Variants in USP53 observed in about 807,000 individuals in gnomAD.
USP53 encodes ubiquitin specific peptidase 53.
A neutral mutation model predicts 94.9 loss-of-function variants in USP53; 71 were observed. That is an observed-to-expected ratio of 0.75 (90% CI 0.62 to 0.91). The LOEUF (loss-of-function observed/expected upper bound fraction) is 0.91, where lower values mean the gene tolerates loss of function less well. Ranked by LOEUF, USP53 falls within the 40% of genes least tolerant of loss-of-function variation. The probability of loss-of-function intolerance (pLI) is 0.00; values close to 1 mark genes in which losing one functional copy is unlikely to be tolerated. For synonymous variants in USP53, 375 were observed against 422.7 expected, an observed-to-expected ratio of 0.89 and a Z score of 1.39; for missense variants, 1,173 against 1,281.0, an observed-to-expected ratio of 0.92 and a Z score of 1.29.
intron 17 of USP53, among the ~76,000 whole-genome samples, chr4:119,279,852 T>C (rs904516972): frequency 2.0e-5 from 3 of 151,980 alleles, no homozygotes; most frequent in African/African-American, 7.3e-5. Flanking sequence ...CGGGTGGGAG[T>C]GACCCGATTT....
At chr4:119,239,048 T>A (rs1212115376) in intron 4 of USP53, among the ~76,000 whole-genome samples, 170 bp from the exon 5 acceptor site, 5 of 152,280 alleles carry the variant, frequency 3.3e-5, no homozygotes, top group Admixed American at 6.5e-5. Context: ...ATTGATATTT[T>A]AAAAATGTAA....
chr4:119,219,927 T>C (rs998029431), intron 3 of USP53: 2 of 152,196 alleles, frequency 1.3e-5, no homozygotes, highest in Admixed American at 6.5e-5. Context: ...TTTCTGTCTC[T>C]CTCTCTTTCT....
chr4:119,218,139 A>G (rs1231739760), intron 3 of USP53: 1 of 152,222 alleles, frequency 6.6e-6, no homozygotes, highest in East Asian at 1.9e-4. Context: ...ATCCTGAAAT[A>G]TGACAGAAAA....
At chr4:119,229,446 C>T (rs1398113186) in intron 3 of USP53, among the ~76,000 whole-genome samples, 1 of 151,350 alleles carries the variant, frequency 6.6e-6, no homozygotes, top group Admixed American at 6.6e-5. Context: ...GGGTCTCTCC[C>T]CTTGAATGTT....
chr4:119,268,587 C>G (rs1578522684), intron 14 of USP53, among the ~76,000 whole-genome samples, 167 bp downstream of exon 14: 1 of 152,192 alleles, frequency 6.6e-6, no homozygotes, highest in African/African-American at 2.4e-5. Flanking sequence ...TGTAGTTTTA[C>G]CTGACCAGTT....
intron 13 of USP53, 136 bp downstream of exon 13, chr4:119,267,618 A>G: frequency 1.9e-6 from 2 of 1,039,968 alleles, no homozygotes; most frequent in Admixed American, 6.7e-5. Context: ...AAATTTTAGT[A>G]ATTTTTGTTA....
At chr4:119,266,591 A>T (rs1383724182) in intron 12 of USP53, among the ~76,000 whole-genome samples, 5 of 152,064 alleles carry the variant, frequency 3.3e-5, no homozygotes, top group African/African-American at 1.2e-4. Flanking sequence ...CCATTCTTAC[A>T]TCTTTCTTTT....
At chr4:119,237,797 G>A (rs1746988357) in intron 4 of USP53, among the ~76,000 whole-genome samples, 1 of 152,136 alleles carries the variant, frequency 6.6e-6, no homozygotes, top group African/African-American at 2.4e-5. Flanking sequence ...CTAGATTTCT[G>A]GATAATTTGC....
At chr4:119,256,860 G>C (rs1232097422) in intron 9 of USP53, among the ~76,000 whole-genome samples, 1 of 152,148 alleles carries the variant, frequency 6.6e-6, no homozygotes, top group African/African-American at 2.4e-5. Flanking sequence ...GAGATGTTCT[G>C]TTTGTAATGG....
At chr4:119,289,803 AG>A (rs527797095) in intron 17 of USP53, among the ~76,000 whole-genome samples, 17 of 152,342 alleles carry the variant, frequency 1.1e-4, no homozygotes, top group Admixed American at 7.2e-4. Flanking sequence ...TTCTCCCATA[AG>A]GGGGAATCAA....
intron 17 of USP53, among the ~76,000 whole-genome samples, chr4:119,287,697 T>G (rs1427219167): frequency 3.9e-5 from 6 of 152,062 alleles, no homozygotes; most frequent in Non-Finnish European, 7.4e-5. Flanking sequence ...GTGTAGACGA[T>G]TAATTGACAG....
At position 119,267,415 on chromosome 4, in the gene USP53, T is replaced by A. The variant is rs776015004; in HGVS notation, c.1068T>A (p.Val356=). 1.2e-6 allele frequency: 2 copies of A among 1,614,184 alleles called. No homozygotes were observed. Among genetic ancestry groups the A allele is most frequent in the Admixed American group, 1.7e-5 (1 of 60,030 alleles). Residue 356 remains valine, a synonymous_variant, in exon 13 of 19, where the codon GTT becomes GTA. Transcript: ENST00000692078. ...ATGCAAACCCAGATGGCACAGCAGT[T>A]TCTACTGAGGATGCACTCAGGCAGG... ...LFYANPDGTA[V]STEDALRQVI...
intron 12 of USP53, 24 bp from the exon 13 acceptor site, chr4:119,267,296 T>C (rs746228283): frequency 1.2e-6 from 2 of 1,607,838 alleles, no homozygotes; most frequent in Non-Finnish European, 1.7e-6. Context: ...TGTTTTGTCT[T>C]TATTCATTGT....
At chr4:119,216,610 GT>G (rs1261142282) in intron 2 of USP53, among the ~76,000 whole-genome samples, 2 of 152,122 alleles carry the variant, frequency 1.3e-5, no homozygotes. Context: ...CACTTATAAT[GT>G]GAAGTATTCC....
intron 2 of USP53, among the ~76,000 whole-genome samples, chr4:119,216,783 G>C (rs910362137): frequency 2.6e-5 from 4 of 152,134 alleles, no homozygotes; most frequent in Admixed American, 1.3e-4. Context: ...TCATTAATCT[G>C]AATTAAAGCA....
Position 119,215,623 on chromosome 4 carries a change from T to C in USP53, c.-789+1401T>C, listed in dbSNP as rs188718176. ...TCTTTGTGATCTTAGTATTTTTTTT[T>C]CTTTTTCTTTTTTTTATGCTATGAA... On this transcript the variant is annotated intron_variant, in intron 2 of 18. Transcript: ENST00000692078. 4.0e-3 allele frequency among the ~76,000 whole-genome samples: 614 copies of C among 152,210 alleles called. 4 individuals are homozygous for C. The highest frequency in any genetic ancestry group is 0.014 in the African/African-American group (597 of 41,560).
At chr4:119,230,337 T>C (rs1442478660) in intron 3 of USP53, among the ~76,000 whole-genome samples, 1 of 152,186 alleles carries the variant, frequency 6.6e-6, no homozygotes, top group Non-Finnish European at 1.5e-5. Flanking sequence ...TCAAAAACAC[T>C]TGTGTTTTCC....
intron 3 of USP53, among the ~76,000 whole-genome samples, chr4:119,229,771 T>G (rs770782371): frequency 6.6e-6 from 1 of 152,146 alleles, no homozygotes. Context: ...AAATTCATCT[T>G]ATTCATTGCC....
At position 119,212,826 on chromosome 4, in the gene USP53, T is replaced by A. The variant is rs1743036992; in HGVS notation, c.-989T>A. On this transcript the variant is annotated 5_prime_UTR_variant, in exon 1 of 19. Transcript: ENST00000692078. ...TCTGTGGGAGTGGAAGGCCTGTATT[T>A]CTCTACCTGGACCGCACGCTCCTCG... The A allele has an allele frequency of 3.8e-6, 1 of 265,652 alleles. No homozygotes were observed. Among genetic ancestry groups the A allele is most frequent in the Non-Finnish European group, 7.8e-6 (1 of 129,000 alleles). The allele number at this position is 265,652 out of a possible 1,614,324, so 16.5% of individuals were successfully genotyped here. A position where few individuals can be genotyped will look rare whatever the true frequency, so the allele number is the denominator to read the frequency against.
Sources: gnomAD v4.1 joint callset for allele counts (sites outside exome capture counted in the v4.1 genomes callset) on GRCh38, gnomAD v4.1.1 for gene constraint, MANE v1.5 for transcripts, NCBI Gene and HGNC (gene_info 2026-07-23, HGNC 2026-07-21) for gene names.